The following CEP70 variants were observed in gnomAD, a reference collection of about 807,000 sequenced individuals.
The protein encoded by CEP70 is centrosomal protein 70, also known as centrosomal protein of 70 kDa.
Under a neutral mutation model 90.9 loss-of-function variants are expected in CEP70, and 70 were observed. The observed-to-expected ratio is 0.77, with a 90% CI of 0.64 to 0.94. The LOEUF (loss-of-function observed/expected upper bound fraction) is 0.94, where lower values mean the gene tolerates loss of function less well. CEP70 is among the 40% of genes least tolerant of loss of function. The probability of loss-of-function intolerance (pLI) is 0.00; values close to 1 mark genes in which losing one functional copy is unlikely to be tolerated. For synonymous variants in CEP70, 220 were observed against 228.3 expected (o/e 0.96, Z 0.33); for missense variants, 648 against 669.0 (o/e 0.97, Z 0.35).
chr3:138,530,487 G>A (rs1278393103), intron 8 of CEP70: 1 of 464,242 alleles, frequency 2.2e-6, no homozygotes, highest in African/African-American at 2.1e-5. Flanking sequence ...TTACACATGT[G>A]CATATAGTCT....
chr3:138,567,204 C>G (rs1232265990), intron 6 of CEP70, among the ~76,000 whole-genome samples: 1 of 152,166 alleles, frequency 6.6e-6, no homozygotes, highest in African/African-American at 2.4e-5. Flanking sequence ...TTTCCTTGAC[C>G]TCTTTGCATA....
chr3:138,529,924 G>A (rs949654181), intron 8 of CEP70, among the ~76,000 whole-genome samples: 24 of 152,186 alleles, frequency 1.6e-4, no homozygotes, highest in Non-Finnish European at 3.4e-4. Flanking sequence ...AGATTTAATA[G>A]TCTTGGTTCA....
intron 6 of CEP70, among the ~76,000 whole-genome samples, chr3:138,565,902 G>T (rs1163649055): frequency 6.6e-6 from 1 of 151,862 alleles, no homozygotes; most frequent in East Asian, 1.9e-4. Context: ...ACAGAATGGG[G>T]GAAAATTTTT....
intron 2 of CEP70, among the ~76,000 whole-genome samples, chr3:138,584,785 TAAAAGGA>T (rs1479159298): frequency 1.3e-5 from 2 of 150,728 alleles, no homozygotes; most frequent in Non-Finnish European, 3.0e-5. Flanking sequence ...AAACTAGGTA[TAAAAGGA>T]ACATACCTCC....
chr3:138,536,405 A>C (rs1406307818), intron 7 of CEP70, among the ~76,000 whole-genome samples: 1 of 152,100 alleles, frequency 6.6e-6, no homozygotes, highest in Non-Finnish European at 1.5e-5. Flanking sequence ...CAATCCCTGA[A>C]AATTGAAAAG....
chr3:138,585,304 G>A (rs1032310497), intron 2 of CEP70, among the ~76,000 whole-genome samples: 1 of 151,820 alleles, frequency 6.6e-6, no homozygotes, highest in African/African-American at 2.4e-5. Context: ...TAGCCACAAA[G>A]AAAATTAAAC....
intron 2 of CEP70, among the ~76,000 whole-genome samples, chr3:138,579,402 C>T (rs2041729656): frequency 6.6e-6 from 1 of 151,890 alleles, no homozygotes; most frequent in Non-Finnish European, 1.5e-5. Flanking sequence ...GGAGCATTTG[C>T]ATCACCCCTC....
intron 13 of CEP70, among the ~76,000 whole-genome samples, chr3:138,501,889 T>G (rs1408572176): frequency 6.6e-6 from 1 of 152,218 alleles, no homozygotes; most frequent in African/African-American, 2.4e-5. Flanking sequence ...TTCGGATTTT[T>G]GGATCAGTGA....
chr3:138,586,919 G>A (rs955584579), intron 2 of CEP70, among the ~76,000 whole-genome samples: 1 of 151,888 alleles, frequency 6.6e-6, no homozygotes, highest in African/African-American at 2.4e-5. Context: ...ATTATATGGT[G>A]TATCAAAATA....
chr3:138,580,692 T>A (rs1457974866), intron 2 of CEP70, among the ~76,000 whole-genome samples: 2 of 151,824 alleles, frequency 1.3e-5, no homozygotes, highest in African/African-American at 4.8e-5. Context: ...AAGGGACCAA[T>A]CCCAGACAGA....
rs911038541 is a variant in CEP70, at chr3:138,495,045, T to G, written c.1764A>C (p.Ala588=). 2 of 1,552,510 alleles carry G rather than the reference T, an allele frequency of 1.3e-6. No homozygotes were observed. Among genetic ancestry groups the G allele is most frequent in the Non-Finnish European group, 1.8e-6 (2 of 1,126,360 alleles). ...EIDDLDAIVP[A]VKKLKVLSY ...ATGAAAGTACTTTTAATTTCTTTAC[T>G]GCAGGTACAATGGCATCCAAGTCAT... is the stretch of plus-strand genomic sequence containing the variant. The change falls in exon 18 of 18, where the codon GCA becomes GCC. Residue 588 remains alanine (A), a synonymous_variant. Transcript: ENST00000264982.
intron 2 of CEP70, among the ~76,000 whole-genome samples, chr3:138,580,268 G>C (rs539857512): frequency 6.6e-6 from 1 of 152,016 alleles, no homozygotes; most frequent in South Asian, 2.1e-4. Flanking sequence ...CAGTAGGGCC[G>C]GCCACAGGGA....
chr3:138,539,187 T>C (rs928364753), intron 6 of CEP70, among the ~76,000 whole-genome samples: 1 of 152,118 alleles, frequency 6.6e-6, no homozygotes, highest in Non-Finnish European at 1.5e-5. Flanking sequence ...CACACCTGGA[T>C]AGTTTTTGTA....
chr3:138,569,962 G>A (rs908488472), intron 6 of CEP70, among the ~76,000 whole-genome samples: 2 of 152,170 alleles, frequency 1.3e-5, no homozygotes, highest in African/African-American at 4.8e-5. Context: ...TCTGGAATTC[G>A]GGGAGAGGAC....
At chr3:138,582,448 G>C (rs779613411) in intron 2 of CEP70, among the ~76,000 whole-genome samples, 5 of 151,464 alleles carry the variant, frequency 3.3e-5, no homozygotes, top group Non-Finnish European at 7.4e-5. Context: ...CTCCAGCCTG[G>C]GTGACAGAGC....
In CEP70 at chr3:138,498,036, A is replaced by G. The variant is rs553635613; in HGVS notation, c.1727T>C (p.Ile576Thr). 8 of 1,612,900 alleles carry G rather than the reference A, an allele frequency of 5.0e-6. No homozygotes were observed. Among genetic ancestry groups the G allele is most frequent in the Non-Finnish European group, 6.8e-6 (8 of 1,179,578 alleles). Residue 576 changes from isoleucine (I) to threonine (T), a missense_variant, in exon 17 of 18, where the codon ATC (isoleucine) becomes ACC (threonine). Transcript: ENST00000264982. ...ATCACCACCAGAGATCTTACCTAAG[A>G]TTTCAAGTAGATCATTAGTAAATGC... ...FQAFTNDLLEILEIDDLDAIV... is the reference protein window; with the variant it reads ...FQAFTNDLLETLEIDDLDAIV...
Position 138,570,498 on chromosome 3 carries a change from T to C in CEP70, c.285A>G (p.Arg95=), listed in dbSNP as rs1478565206. 1 of 1,602,456 alleles carries C rather than the reference T, an allele frequency of 6.2e-7. No homozygotes were observed. The highest frequency in any genetic ancestry group is 1.1e-5 in the South Asian group (1 of 88,168). Residue 95 remains arginine (R), a splice_region_variant and synonymous_variant, in exon 6 of 18, where the codon AGA becomes AGG. Coordinates refer to ENST00000264982, the MANE Select transcript of CEP70 (RefSeq NM_024491.4). The part of the protein sequence containing the change: ...QELIETNQQL[R]NELQLEQSRA... The stretch of plus-strand genomic sequence containing the variant: ...GGCTTTGCTCTAGCTGAAGTTCATT[T>C]CTAAGTTAATAGACATACAATTTCT...
intron 17 of CEP70, chr3:138,496,330 C>T (rs1222658610): frequency 1.9e-5 from 19 of 985,268 alleles, no homozygotes; most frequent in Non-Finnish European, 2.3e-5. Context: ...TTTAAGCTCC[C>T]GACTTCAGTC....
At position 138,529,453 on chromosome 3, in the gene CEP70, TTTATA is replaced by T. The variant is rs1166518921; in HGVS notation, c.697_701del (p.Tyr233ArgfsTer3). On this transcript the variant is annotated frameshift_variant, in exon 9 of 18. Coordinates refer to ENST00000264982, the MANE Select transcript of CEP70 (RefSeq NM_024491.4). LOFTEE classifies it high-confidence loss of function. ...CTTCTTCTGACTGACTTTCATCTTC[TTTATA>T]TTGCCTATGAAAATATGTATGCAGT... The T allele has an allele frequency of 6.3e-7, 1 of 1,598,996 alleles. No homozygotes were observed. The highest frequency in any genetic ancestry group is 1.7e-5 in the Admixed American group (1 of 58,626).
Sources: gnomAD v4.1 joint callset for allele counts (sites outside exome capture counted in the v4.1 genomes callset) on GRCh38, gnomAD v4.1.1 for gene constraint, MANE v1.5 for transcripts, NCBI Gene and HGNC (gene_info 2026-07-23, HGNC 2026-07-21) for gene names.